The following TRIB2 variants were observed in gnomAD, a reference collection of about 807,000 sequenced individuals.
The protein encoded by TRIB2 is tribbles homolog 2.
A neutral mutation model predicts 26.8 loss-of-function variants in TRIB2; 2 were observed. The observed-to-expected ratio is 0.07, with a 90% CI of 0.03 to 0.24. The LOEUF is 0.24. Ranked by LOEUF, TRIB2 falls within the 10% of genes least tolerant of loss-of-function variation. The pLI, the probability that TRIB2 is intolerant of heterozygous loss-of-function variation, is 1.00. For synonymous variants in TRIB2, 189 were observed against 187.3 expected, an observed-to-expected ratio of 1.01 and a Z score of -0.08; for missense variants, 306 against 449.0, an observed-to-expected ratio of 0.68 and a Z score of 2.88.
At chr2:12,729,818 A>G (rs1226680863) in intron 2 of TRIB2, among the ~76,000 whole-genome samples, 1 of 152,150 alleles carries the variant, frequency 6.6e-6, no homozygotes, top group Non-Finnish European at 1.5e-5. Flanking sequence ...CACAGTGGTC[A>G]GATTTTTTTA....
In TRIB2 at chr2:12,717,548, T is replaced by C; in HGVS notation, c.-760T>C. 1 of 398,314 alleles carries C rather than the reference T, an allele frequency of 2.5e-6. No homozygotes were observed. The highest frequency in any genetic ancestry group is 4.4e-6 in the Non-Finnish European group (1 of 225,818). 24.7% of individuals were successfully genotyped at this position (398,314 alleles called of 1,614,324 possible). A position where few individuals can be genotyped will look rare whatever the true frequency, so the allele number is the denominator to read the frequency against. ...CCGCGCCGCAACTCTGTGCCCAGCT[T>C]TTGCAATCTTTTGTTGGCAGCGCTG... On this transcript the variant is annotated 5_prime_UTR_variant, in exon 1 of 3. Coordinates refer to ENST00000155926, the MANE Select transcript of TRIB2 (RefSeq NM_021643.4). This position sits in a 1 kb window ranked among gnomAD's most constrained non-coding sequence, Gnocchi z 4.8.
intron 2 of TRIB2, among the ~76,000 whole-genome samples, chr2:12,731,740 C>G (rs1016036994): frequency 9.2e-5 from 14 of 152,200 alleles, no homozygotes; most frequent in Non-Finnish European, 1.5e-4. Flanking sequence ...AGTGCAGCGT[C>G]CCTGTCTGGC....
In TRIB2 at chr2:12,730,597, T is replaced by G. The variant is rs541837364; in HGVS notation, c.563+7045T>G. On this transcript the variant is annotated intron_variant, in intron 2 of 2. Transcript: ENST00000155926. ...ACGTCCTGTTGTTCCATTCTGTGGG[T>G]TTTTTTTGTTTTGTTTTGTTTTTGT... Among the ~76,000 whole-genome samples, 28 of 152,014 alleles carry G rather than the reference T, an allele frequency of 1.8e-4. 1 individual carries two copies. Among genetic ancestry groups the G allele is most frequent in the South Asian group, 6.3e-4 (3 of 4,798 alleles).
intron 2 of TRIB2, among the ~76,000 whole-genome samples, chr2:12,728,585 G>A (rs1172613497): frequency 2.0e-5 from 3 of 152,204 alleles, no homozygotes; most frequent in Non-Finnish European, 4.4e-5. Flanking sequence ...TGTGAACTGA[G>A]AAACATGCCT....
rs1666619230 is a variant in TRIB2 at position 12,717,529 on chromosome 2, C to A, written c.-779C>A. 2.5e-6 allele frequency: 1 copy of A among 398,356 alleles called. No homozygotes were observed. 24.7% of individuals were successfully genotyped at this position (398,356 alleles called of 1,614,324 possible). A position where few individuals can be genotyped will look rare whatever the true frequency, so the allele number is the denominator to read the frequency against. ...CGCGGTACCTGCGCCCAGCCCGCGC[C>A]GCAACTCTGTGCCCAGCTTTTGCAA... On this transcript the variant is annotated 5_prime_UTR_variant, in exon 1 of 3. Transcript: ENST00000155926. The surrounding 1 kb of genome is among the most constrained non-coding windows in gnomAD (Gnocchi z 4.8).
chr2:12,736,033 C>G (rs1337370556), intron 2 of TRIB2, among the ~76,000 whole-genome samples: 1 of 152,040 alleles, frequency 6.6e-6, no homozygotes, highest in Non-Finnish European at 1.5e-5. Flanking sequence ...GGTTAGTGGA[C>G]AGAGTGGAGG....
intron 2 of TRIB2, among the ~76,000 whole-genome samples, chr2:12,737,993 G>A (rs1661621240): frequency 6.6e-6 from 1 of 152,174 alleles, no homozygotes; most frequent in Non-Finnish European, 1.5e-5. Flanking sequence ...TCTTAGCCCA[G>A]TGCCTTTTCC....
chr2:12,741,003 TGGG>T lies in TRIB2; in HGVS notation c.*210_*212del. ...GGGATGGGGATTGGGGTGAGATGGA[TGGG>T]AGCCCGCTGGAGCTTGTCTTCCCTA... On this transcript the variant is annotated 3_prime_UTR_variant, in exon 3 of 3. Coordinates refer to ENST00000155926, the MANE Select transcript of TRIB2 (RefSeq NM_021643.4). The T allele has an allele frequency of 1.8e-6, 1 of 566,906 alleles. No homozygotes were observed. Among genetic ancestry groups the T allele is most frequent in the Non-Finnish European group, 3.1e-6 (1 of 321,610 alleles). 35.1% of individuals were successfully genotyped at this position (566,906 alleles called of 1,614,324 possible).
intron 2 of TRIB2, among the ~76,000 whole-genome samples, chr2:12,733,304 C>G (rs1661496520): frequency 6.6e-6 from 1 of 152,152 alleles, no homozygotes; most frequent in Admixed American, 6.5e-5. Flanking sequence ...TGGTTTTGTA[C>G]CAGATCTAGT....
rs116179055 is a variant in TRIB2 at position 12,733,613 on chromosome 2, A to T, written c.564-6713A>T. ...GGATGCAAGCTGTAGTAATCTCAGC[A>T]TCTTATAGATGCTTCACACATAGTT... On this transcript the variant is annotated intron_variant, in intron 2 of 2. Transcript: ENST00000155926. Among the ~76,000 whole-genome samples the T allele has an allele frequency of 6.2e-3, 939 of 152,332 alleles. 12 individuals carry two copies. The highest frequency in any genetic ancestry group is 0.021 in the African/African-American group (879 of 41,580).
rs112071850 is a variant in TRIB2 at position 12,730,427 on chromosome 2, C to T, written c.563+6875C>T. Among the ~76,000 whole-genome samples, 150 of 152,280 alleles carry T rather than the reference C, an allele frequency of 9.9e-4. 1 individual carries two copies. Among genetic ancestry groups the T allele is most frequent in the African/African-American group, 3.4e-3 (143 of 41,554 alleles). ...AAAATACCGTCTCTTATGCCCAACC[C>T]TGAGAAAGAATTTTCTCACGCAGTT... On this transcript the variant is annotated intron_variant, in intron 2 of 2. Transcript: ENST00000155926.
chr2:12,729,140 G>C (rs796728854), intron 2 of TRIB2, among the ~76,000 whole-genome samples: 4 of 152,290 alleles, frequency 2.6e-5, no homozygotes, highest in African/African-American at 9.6e-5. Flanking sequence ...AGGCTGGCGA[G>C]CCTCCTGTTC....
chr2:12,722,774 C>A (rs897313372), intron 1 of TRIB2, among the ~76,000 whole-genome samples: 3 of 152,124 alleles, frequency 2.0e-5, no homozygotes. Context: ...CAAAAGCTAG[C>A]TGTTTATTCT....
At chr2:12,721,340 A>C (rs1257120123) in intron 1 of TRIB2, among the ~76,000 whole-genome samples, 2 of 152,202 alleles carry the variant, frequency 1.3e-5, no homozygotes, top group African/African-American at 4.8e-5. Context: ...ATGTTTTTGT[A>C]AATGCACCTG....
At position 12,723,311 on chromosome 2, in the gene TRIB2, T is replaced by C. The variant is rs370433974; in HGVS notation, c.322T>C (p.Ser108Pro). Residue 108 changes from serine (S) to proline (P), a missense_variant, in exon 2 of 3, where the codon TCT becomes CCT. Coordinates refer to ENST00000155926, the MANE Select transcript of TRIB2 (RefSeq NM_021643.4). ...QESLAPCFCL[S>P]AHSNINQITE... ...ATCCCTGGCACCGTGCTTTTGCCTG[T>C]CTGCTCATAGTAACATCAACCAAAT... The C allele has an allele frequency of 6.2e-7, 1 of 1,614,106 alleles. No homozygotes were observed. Among genetic ancestry groups the C allele is most frequent in the Non-Finnish European group, 8.5e-7 (1 of 1,180,052 alleles).
Position 12,735,578 on chromosome 2 carries a change from A to G in TRIB2, c.564-4748A>G, listed in dbSNP as rs188588110. On this transcript the variant is annotated intron_variant, in intron 2 of 2. Transcript: ENST00000155926. ...AGGCTCATTGTCCATGAGAAAAGGA[A>G]TCATAGTACCTGCCTTGGAAATGGA... 4.3e-3 allele frequency among the ~76,000 whole-genome samples: 657 copies of G among 152,316 alleles called. 4 individuals are homozygous for G. The highest frequency in any genetic ancestry group is 0.015 in the African/African-American group (624 of 41,566).
rs75961432 is a variant in TRIB2, at chr2:12,717,488, G to A, written c.-820G>A. ...TGTGCTGACCTCCGCGCGGCGGGCC[G>A]AGCCCAGGGCTTTGTCGCGGTACCT... On this transcript the variant is annotated 5_prime_UTR_variant, in exon 1 of 3. Coordinates refer to ENST00000155926, the MANE Select transcript of TRIB2 (RefSeq NM_021643.4). This position sits in a 1 kb window ranked among gnomAD's most constrained non-coding sequence, Gnocchi z 4.8. 5.0e-6 allele frequency: 2 copies of A among 398,318 alleles called. No individual in the cohort carries two copies. Among genetic ancestry groups the A allele is most frequent in the Non-Finnish European group, 8.9e-6 (2 of 225,900 alleles). 24.7% of individuals were successfully genotyped at this position (398,318 alleles called of 1,614,324 possible).
In TRIB2 at chr2:12,737,232, A is replaced by ACTGGAC. The variant is rs571796170; in HGVS notation, c.564-3092_564-3087dup. Reference sequence around the variant, plus strand: ...TGATACCAAGATCCATGCTTGTTCCACTGGACCGCCCCTTGTCCCACAGAT... The same window carrying ACTGGAC: ...TGATACCAAGATCCATGCTTGTTCCACTGGACCTGGACCGCCCCTTGTCCCACAGAT... On this transcript the variant is annotated intron_variant, in intron 2 of 2. Coordinates refer to ENST00000155926, the MANE Select transcript of TRIB2 (RefSeq NM_021643.4). The ACTGGAC allele has an allele frequency of 9.8e-5, 15 of 153,466 alleles. No individual in the cohort carries two copies. In the East Asian group the frequency reaches 2.9e-3, roughly 30 times the overall value. The allele number at this position is 153,466 out of a possible 1,614,324, so 9.5% of individuals were successfully genotyped here. A position where few individuals can be genotyped will look rare whatever the true frequency, so the allele number is the denominator to read the frequency against.
intron 2 of TRIB2, chr2:12,724,488 G>A: frequency 7.3e-7 from 1 of 1,374,390 alleles, no homozygotes; most frequent in East Asian, 2.3e-5. Flanking sequence ...GTTCCTGAAT[G>A]AGGCCCCACA....
Sources: gnomAD v4.1 joint callset for allele counts (sites outside exome capture counted in the v4.1 genomes callset) on GRCh38, gnomAD v4.1.1 for gene constraint, Gnocchi (gnomAD v3.1) non-coding constraint, MANE v1.5 for transcripts, NCBI Gene and HGNC (gene_info 2026-07-23, HGNC 2026-07-21) for gene names.